Variants in AHRR observed in about 807,000 individuals in gnomAD.
The protein encoded by AHRR is ahR repressor.
Under a neutral mutation model 44.0 loss-of-function variants are expected in AHRR, and 28 were observed. That is an observed-to-expected ratio of 0.64 (90% CI 0.47 to 0.87). The LOEUF (loss-of-function observed/expected upper bound fraction) is 0.87. AHRR is among the 40% of genes least tolerant of loss of function. The pLI is 0.00. For synonymous variants in AHRR, 434 were observed against 407.0 expected (o/e 1.07, Z -0.80); for missense variants, 990 against 953.9 (o/e 1.04, Z -0.50).
intron 3 of AHRR, among the ~76,000 whole-genome samples, chr5:375,051 C>T (rs566196978): frequency 6.6e-6 from 1 of 152,274 alleles, no homozygotes; most frequent in African/African-American, 2.4e-5. Flanking sequence ...TGGATGCCTT[C>T]CTGGAAGTCC....
At chr5:413,618 C>T (rs566726093) in intron 5 of AHRR, among the ~76,000 whole-genome samples, 185 bp downstream of exon 5, 95 of 152,190 alleles carry the variant, frequency 6.2e-4, no homozygotes, top group Admixed American at 1.4e-3. Flanking sequence ...AGCCTGGGTT[C>T]GGGGTCTCGG....
At chr5:398,216 G>GT (rs1204598607) in intron 4 of AHRR, among the ~76,000 whole-genome samples, 63 of 72,698 alleles carry the variant, frequency 8.7e-4, no homozygotes, top group African/African-American at 2.6e-3. Context: ...GACCATCCAC[G>GT]TAGCTCCTGA....
intron 2 of AHRR, among the ~76,000 whole-genome samples, chr5:349,020 GT>G (rs1742770821): frequency 6.6e-6 from 1 of 152,210 alleles, no homozygotes; most frequent in Non-Finnish European, 1.5e-5. Flanking sequence ...TCATGGGTTG[GT>G]GGTATCTCAT....
intron 5 of AHRR, among the ~76,000 whole-genome samples, chr5:415,938 G>C (rs576767773): frequency 6.6e-6 from 1 of 152,128 alleles, no homozygotes; most frequent in Admixed American, 6.5e-5. Flanking sequence ...CCTCTAGTCC[G>C]CCTCTAAGTT....
Position 395,071 on chromosome 5 carries a change from C to T in AHRR, c.352-18273C>T, listed in dbSNP as rs1287180610. ...GGCAGGACGGGAAAGTGATTTCTCC[C>T]ACCTGTATTTTGACTGTGACCCCAA... On this transcript the variant is annotated intron_variant, in intron 4 of 10. Transcript: ENST00000684583. The surrounding 1 kb of genome is among the most constrained non-coding windows in gnomAD (Gnocchi z 5.3). Among the ~76,000 whole-genome samples the T allele has an allele frequency of 6.6e-6, 1 of 152,212 alleles. No individual in the cohort carries two copies. Among genetic ancestry groups the T allele is most frequent in the African/African-American group, 2.4e-5 (1 of 41,454 alleles).
Position 366,314 on chromosome 5 carries a change from G to A in AHRR, c.245-10296G>A, listed in dbSNP as rs567079062. Among the ~76,000 whole-genome samples, 53 of 152,260 alleles carry A rather than the reference G, an allele frequency of 3.5e-4. 1 individual carries two copies. Among genetic ancestry groups the A allele is most frequent in the Middle Eastern group, 3.4e-3 (1 of 294 alleles). ...AGACGTGTCACAGGACACAGAAGCC[G>A]TCTTGAAGGGGCTCCCGCTGGCCAA... On this transcript the variant is annotated intron_variant, in intron 3 of 10. Transcript: ENST00000684583.
In AHRR at chr5:383,278, T is replaced by C. The variant is rs573318055; in HGVS notation, c.351+6562T>C. Reference sequence around the variant, plus strand: ...AAACATTAATTATATCCAGTTGACTTGTTGTGTTCAGGTTATTCTTGATTT... The same window carrying C: ...AAACATTAATTATATCCAGTTGACTCGTTGTGTTCAGGTTATTCTTGATTT... On this transcript the variant is annotated intron_variant, in intron 4 of 10. Transcript: ENST00000684583. The surrounding 1 kb of genome is among the most constrained non-coding windows in gnomAD (Gnocchi z 4.0). Among the ~76,000 whole-genome samples the C allele has an allele frequency of 6.6e-6, 1 of 152,242 alleles. No individual in the cohort carries two copies. The highest frequency in any genetic ancestry group is 2.4e-5 in the African/African-American group (1 of 41,466).
rs183417034 is a variant in AHRR at position 334,939 on chromosome 5, T to A, written c.-10-8954T>A. ...TTCTGAGGCATGCAGCAGTGAAGCC[T>A]CTGTATGTTTTATTTGGCTATTAGC... On this transcript the variant is annotated intron_variant, in intron 1 of 10. Transcript: ENST00000684583. Among the ~76,000 whole-genome samples, 132 of 152,272 alleles carry A rather than the reference T, an allele frequency of 8.7e-4. 2 individuals are homozygous for A. The highest frequency in any genetic ancestry group is 3.4e-3 in the Middle Eastern group (1 of 294).
At position 337,122 on chromosome 5, in the gene AHRR, A is replaced by G. The variant is rs961427021; in HGVS notation, c.-10-6771A>G. On this transcript the variant is annotated intron_variant, in intron 1 of 10. Coordinates refer to ENST00000684583, the MANE Select transcript of AHRR (RefSeq NM_001377236.1). The surrounding 1 kb of genome is among the most constrained non-coding windows in gnomAD (Gnocchi z 4.1). ...CATTTTATTATGGCACTTTTGAAAT[A>G]TTTTACAAAAATAGAGAAAATTATA... Among the ~76,000 whole-genome samples the G allele has an allele frequency of 1.3e-5, 2 of 151,982 alleles. No individual in the cohort carries two copies. The highest frequency in any genetic ancestry group is 2.9e-5 in the Non-Finnish European group (2 of 68,004).
At chr5:417,660 C>T (rs1735888610) in intron 5 of AHRR, among the ~76,000 whole-genome samples, 1 of 152,112 alleles carries the variant, frequency 6.6e-6, no homozygotes, top group Admixed American at 6.5e-5. Flanking sequence ...GCTTTGATTC[C>T]AGGTCAGAAC....
At chr5:340,742 G>A (rs1490522341) in intron 1 of AHRR, among the ~76,000 whole-genome samples, 1 of 109,006 alleles carries the variant, frequency 9.2e-6, no homozygotes, top group East Asian at 2.9e-4. Flanking sequence ...TGTTGCTCAG[G>A]TTGGAGTGCA....
chr5:351,255 A>C (rs1487736601), intron 2 of AHRR, among the ~76,000 whole-genome samples: 1 of 152,264 alleles, frequency 6.6e-6, no homozygotes, highest in Admixed American at 6.5e-5. Context: ...TGCTAAGTAC[A>C]TGCTCAAGAG....
chr5:351,875 TA>T (rs1233096190), intron 2 of AHRR, among the ~76,000 whole-genome samples: 1 of 152,234 alleles, frequency 6.6e-6, no homozygotes, highest in Non-Finnish European at 1.5e-5. Context: ...GTTTCAGACT[TA>T]CAGCTTGCAC....
At chr5:325,630 C>T (rs1280718224) in intron 1 of AHRR, among the ~76,000 whole-genome samples, 1 of 152,066 alleles carries the variant, frequency 6.6e-6, no homozygotes, top group East Asian at 1.9e-4. Flanking sequence ...ATCCGTCCCA[C>T]CCTCCGCACC....
chr5:328,255 A>ATTTTTTTT lies in AHRR; in HGVS notation c.-11+6459_-11+6466dup, dbSNP rs70955232. Among the ~76,000 whole-genome samples, 53 of 54,286 alleles carry ATTTTTTTT rather than the reference A, an allele frequency of 9.8e-4. 7 individuals are homozygous for ATTTTTTTT. Among genetic ancestry groups the ATTTTTTTT allele is most frequent in the African/African-American group, 2.6e-3 (44 of 16,820 alleles). The allele number at this position is 54,286 out of a possible 152,430, so 35.6% of individuals were successfully genotyped here. On this transcript the variant is annotated intron_variant, in intron 1 of 10. Coordinates refer to ENST00000684583, the MANE Select transcript of AHRR (RefSeq NM_001377236.1). ...TTCTCTGCATCCTCACCAACATCTGATTTTTTTTTTTTTTTTTTTTTTTTT... is the reference window on the plus strand; with the variant it reads ...TTCTCTGCATCCTCACCAACATCTGATTTTTTTTTTTTTTTTTTTTTTTTTTTTTTTTT...
In AHRR at chr5:337,329, T is replaced by A. The variant is rs1361898227; in HGVS notation, c.-10-6564T>A. On this transcript the variant is annotated intron_variant, in intron 1 of 10. Transcript: ENST00000684583. This position sits in a 1 kb window ranked among gnomAD's most constrained non-coding sequence, Gnocchi z 4.1. ...TTTCATATGTGTTTTAATGTGTATG[T>A]CTAAAACGTGGATTTTAAAAAATCA... 6.6e-6 allele frequency among the ~76,000 whole-genome samples: 1 copy of A among 152,188 alleles called. No individual in the cohort carries two copies. Among genetic ancestry groups the A allele is most frequent in the Non-Finnish European group, 1.5e-5 (1 of 68,034 alleles).
At chr5:427,049 G>A (rs1271454006) in intron 7 of AHRR, among the ~76,000 whole-genome samples, 1 of 148,670 alleles carries the variant, frequency 6.7e-6, no homozygotes, top group Non-Finnish European at 1.5e-5. Flanking sequence ...ATGGATGGGT[G>A]GGTGGATGGA....
intron 1 of AHRR, among the ~76,000 whole-genome samples, chr5:325,049 A>G (rs1343435324): frequency 6.6e-6 from 1 of 152,178 alleles, no homozygotes; most frequent in Non-Finnish European, 1.5e-5. Flanking sequence ...CTGGTATGTG[A>G]GGCTGAGGAG....
intron 2 of AHRR, among the ~76,000 whole-genome samples, chr5:347,238 G>A (rs1374311825): frequency 6.6e-6 from 1 of 152,120 alleles, no homozygotes; most frequent in Non-Finnish European, 1.5e-5. Context: ...TTTATGTTTT[G>A]TGCCTCTTGA....
Sources: gnomAD v4.1 joint callset for allele counts (sites outside exome capture counted in the v4.1 genomes callset) on GRCh38, gnomAD v4.1.1 for gene constraint, Gnocchi (gnomAD v3.1) non-coding constraint, MANE v1.5 for transcripts, NCBI Gene and HGNC (gene_info 2026-07-23, HGNC 2026-07-21) for gene names.